Variants in MAN1A1 observed in about 807,000 individuals in gnomAD.
MAN1A1 encodes the protein mannosyl-oligosaccharide 1,2-alpha-mannosidase IA.
In MAN1A1, 29 loss-of-function variants were observed where a neutral mutation model predicts 70.8. The ratio of observed to expected loss-of-function variants is 0.41; its 90% CI spans 0.31 to 0.56. The LOEUF (loss-of-function observed/expected upper bound fraction) is 0.56, where lower values mean the gene tolerates loss of function less well. Among genes scored for constraint, MAN1A1 ranks in the 20% least tolerant of loss-of-function variants. MAN1A1 has a pLI of 0.29. For missense variants in MAN1A1, 747 were observed against 841.3 expected, an observed-to-expected ratio of 0.89 and a Z score of 1.39; for synonymous variants, 349 against 330.1, an observed-to-expected ratio of 1.06 and a Z score of -0.62.
chr6:119,332,340 T>C (rs1729644675), intron 2 of MAN1A1, among the ~76,000 whole-genome samples: 1 of 152,174 alleles, frequency 6.6e-6, no homozygotes, highest in Admixed American at 6.5e-5. Context: ...AAACACATTC[T>C]ATTAGGAGAA....
intron 2 of MAN1A1, among the ~76,000 whole-genome samples, chr6:119,312,018 A>G (rs1772721552): frequency 6.6e-6 from 1 of 152,186 alleles, no homozygotes; most frequent in African/African-American, 2.4e-5. Flanking sequence ...CCTAGAGACC[A>G]ACAGACAGAG....
Position 119,306,995 on chromosome 6 carries a change from GA to G in MAN1A1, c.604-4del, listed in dbSNP as rs530830683. 1.8e-3 allele frequency: 2,474 copies of G among 1,384,912 alleles called. 1 individual carries two copies. The highest frequency in any genetic ancestry group is 2.0e-3 in the Non-Finnish European group (2,017 of 1,013,040). The allele number at this position is 1,384,912 out of a possible 1,614,324, so 85.8% of individuals were successfully genotyped here. A position where few individuals can be genotyped will look rare whatever the true frequency, so the allele number is the denominator to read the frequency against. On this transcript the variant is annotated splice_region_variant and splice_polypyrimidine_tract_variant and intron_variant, in intron 2 of 12. Coordinates refer to ENST00000368468, the MANE Select transcript of MAN1A1 (RefSeq NM_005907.4). ...TTATTCCAAGCATGTTTCATCATCT[GA>G]AAAAAAAAATAAAAACAGGATTATA... is the stretch of plus-strand genomic sequence containing the variant.
chr6:119,245,868 T>C (rs1168342655), intron 6 of MAN1A1, among the ~76,000 whole-genome samples: 1 of 152,128 alleles, frequency 6.6e-6, no homozygotes, highest in Non-Finnish European at 1.5e-5. Context: ...TAAATTCTAA[T>C]GCAAAATACT....
intron 4 of MAN1A1, among the ~76,000 whole-genome samples, chr6:119,296,787 G>C (rs1187689404): frequency 6.6e-6 from 1 of 152,112 alleles, no homozygotes; most frequent in Non-Finnish European, 1.5e-5. Context: ...TACAACTAAA[G>C]GCATGATCCA....
intron 4 of MAN1A1, among the ~76,000 whole-genome samples, chr6:119,301,714 G>C (rs1772395224): frequency 6.6e-6 from 1 of 152,170 alleles, no homozygotes; most frequent in Admixed American, 6.5e-5. Flanking sequence ...ATCTCATAGA[G>C]TTGCAGTGGG....
At chr6:119,214,088 C>T (rs1016759397) in intron 6 of MAN1A1, among the ~76,000 whole-genome samples, 1 of 152,152 alleles carries the variant, frequency 6.6e-6, no homozygotes, top group African/African-American at 2.4e-5. Context: ...CCTCAGCCTC[C>T]TGAGTAGCTG....
At chr6:119,187,476 T>C (rs1272128914) in intron 11 of MAN1A1, among the ~76,000 whole-genome samples, 1 of 152,228 alleles carries the variant, frequency 6.6e-6, no homozygotes, top group South Asian at 2.1e-4. Flanking sequence ...AAATGACTGA[T>C]GATTAATGAT....
intron 5 of MAN1A1, among the ~76,000 whole-genome samples, chr6:119,281,754 C>T (rs985774183): frequency 1.3e-5 from 2 of 151,938 alleles, no homozygotes; most frequent in African/African-American, 2.4e-5. Context: ...AAAAATATTT[C>T]GTTAAAAAAC....
chr6:119,259,022 A>T (rs1208282076), intron 5 of MAN1A1, among the ~76,000 whole-genome samples: 2 of 152,190 alleles, frequency 1.3e-5, no homozygotes, highest in African/African-American at 4.8e-5. Flanking sequence ...AATAGTTATT[A>T]TTCTTGGCTA....
chr6:119,243,131 G>A (rs1775056622), intron 6 of MAN1A1, among the ~76,000 whole-genome samples: 1 of 152,018 alleles, frequency 6.6e-6, no homozygotes, highest in Admixed American at 6.6e-5. Context: ...GTGTAAGATG[G>A]AGCTCTGATT....
rs146270602 is a variant in MAN1A1 at position 119,256,774 on chromosome 6, G to A, written c.898-8420C>T. Among the ~76,000 whole-genome samples the A allele has an allele frequency of 2.7e-4, 41 of 152,172 alleles. 1 individual carries two copies. The East Asian group carries it at 6.0e-3, about 22-fold the overall frequency. On this transcript the variant is annotated intron_variant, in intron 5 of 12. Transcript: ENST00000368468. ...TTTGTAAAATGGGAACACTCGATAA[G>A]ACACTTCCTGAGGAACGTTTCTGCT...
At chr6:119,325,473 CAT>C (rs1173740119) in intron 2 of MAN1A1, among the ~76,000 whole-genome samples, 10 of 152,264 alleles carry the variant, frequency 6.6e-5, no homozygotes, top group African/African-American at 2.4e-4. Flanking sequence ...GCCTGGCTAA[CAT>C]GTGAAGCCCC....
At chr6:119,262,508 G>C (rs1268490429) in intron 5 of MAN1A1, among the ~76,000 whole-genome samples, 3 of 151,540 alleles carry the variant, frequency 2.0e-5, no homozygotes, top group Non-Finnish European at 4.4e-5. Context: ...TGGAGAAAAA[G>C]GAATACTTAC....
chr6:119,328,577 G>C (rs1055915794), intron 2 of MAN1A1, among the ~76,000 whole-genome samples: 6 of 152,200 alleles, frequency 3.9e-5, no homozygotes, highest in African/African-American at 1.4e-4. Context: ...CTGTTCAGGG[G>C]ATAAGAACAG....
chr6:119,204,094 T>C (rs1253487473), intron 7 of MAN1A1, among the ~76,000 whole-genome samples: 2 of 152,070 alleles, frequency 1.3e-5, no homozygotes, highest in East Asian at 3.9e-4. Context: ...GCGAAGTGTA[T>C]CTCAGGAACG....
chr6:119,302,157 G>A, intron 3 of MAN1A1, 54 bp from the exon 4 acceptor site: 2 of 826,036 alleles, frequency 2.4e-6, no homozygotes, highest in East Asian at 2.5e-5. Context: ...TAAAATATAT[G>A]TAAATTGACC....
intron 6 of MAN1A1, among the ~76,000 whole-genome samples, chr6:119,209,254 AATAGTT>A (rs1773977751): frequency 2.0e-5 from 3 of 152,164 alleles, no homozygotes; most frequent in South Asian, 2.1e-4. Context: ...CAAAGCATTA[AATAGTT>A]ATAAAGTCTT....
intron 5 of MAN1A1, among the ~76,000 whole-genome samples, chr6:119,272,843 G>C (rs1346966872): frequency 6.6e-6 from 1 of 152,124 alleles, no homozygotes; most frequent in Non-Finnish European, 1.5e-5. Context: ...ATCTGAGACT[G>C]TGCAAGGATT....
intron 2 of MAN1A1, among the ~76,000 whole-genome samples, chr6:119,331,679 C>G (rs982441210): frequency 4.6e-5 from 7 of 150,552 alleles, no homozygotes; most frequent in African/African-American, 1.7e-4. Flanking sequence ...TCTTGAGAGG[C>G]TTTTCCAAAC....
Sources: gnomAD v4.1 joint callset for allele counts (sites outside exome capture counted in the v4.1 genomes callset) on GRCh38, gnomAD v4.1.1 for gene constraint, MANE v1.5 for transcripts, NCBI Gene and HGNC (gene_info 2026-07-23, HGNC 2026-07-21) for gene names.